ASTN2: variants seen among roughly 807,000 people sequenced by gnomAD.
ASTN2 encodes astrotactin 2.
A neutral mutation model predicts 139.8 loss-of-function variants in ASTN2; 54 were observed. That is an observed-to-expected ratio of 0.39 (90% confidence interval 0.31 to 0.48). The LOEUF is 0.48. Ranked by LOEUF, ASTN2 falls within the 20% of genes least tolerant of loss-of-function variation. ASTN2 has a pLI of 0.95. For missense variants in ASTN2, 1,565 were observed against 1,725.1 expected (o/e 0.91, Z 1.64); for synonymous variants, 756 against 719.5 (o/e 1.05, Z -0.81).
chr9:117,342,366 T>C (rs1829088474), intron 1 of ASTN2, among the ~76,000 whole-genome samples: 1 of 152,210 alleles, frequency 6.6e-6, no homozygotes, highest in Admixed American at 6.5e-5. Context: ...TACATGTTTG[T>C]TCGAATAATT....
chr9:117,274,544 C>T (rs751937407), intron 2 of ASTN2, among the ~76,000 whole-genome samples: 1 of 152,216 alleles, frequency 6.6e-6, no homozygotes, highest in Non-Finnish European at 1.5e-5. Context: ...TGCTTTATCT[C>T]ATTTCATTCC....
intron 10 of ASTN2, among the ~76,000 whole-genome samples, chr9:116,884,224 C>T (rs2132375515): frequency 6.6e-6 from 1 of 152,218 alleles, no homozygotes; most frequent in Middle Eastern, 3.4e-3. Context: ...GGGACTTATG[C>T]TGCCTAGCAG....
intron 5 of ASTN2, among the ~76,000 whole-genome samples, chr9:117,044,512 G>C (rs1418332341): frequency 6.6e-6 from 1 of 152,152 alleles, no homozygotes; most frequent in Non-Finnish European, 1.5e-5. Flanking sequence ...AAGAGTTCCT[G>C]GCTCAGGGAG....
chr9:116,947,048 A>G (rs1835420567), intron 10 of ASTN2, among the ~76,000 whole-genome samples: 1 of 152,082 alleles, frequency 6.6e-6, no homozygotes, highest in Non-Finnish European at 1.5e-5. Flanking sequence ...GAGGAGAGGA[A>G]TGTTGCCAGG....
chr9:117,195,403 C>T (rs966339513), intron 3 of ASTN2, among the ~76,000 whole-genome samples: 6 of 152,046 alleles, frequency 3.9e-5, no homozygotes, highest in African/African-American at 1.2e-4. Flanking sequence ...TGGAGGGCAA[C>T]TTTAAGTTGG....
chr9:117,354,394 G>A (rs929039476), intron 1 of ASTN2, among the ~76,000 whole-genome samples: 1 of 152,014 alleles, frequency 6.6e-6, no homozygotes, highest in Non-Finnish European at 1.5e-5. Flanking sequence ...TCACTGCAGG[G>A]GCTTTGCATA....
intron 5 of ASTN2, among the ~76,000 whole-genome samples, chr9:117,085,859 A>G (rs1828547103): frequency 6.6e-6 from 1 of 152,170 alleles, no homozygotes; most frequent in Admixed American, 6.5e-5. Flanking sequence ...TACATGATTT[A>G]TCTCATTCAT....
chr9:116,668,322 G>A (rs1037291730), intron 16 of ASTN2, among the ~76,000 whole-genome samples: 4 of 151,852 alleles, frequency 2.6e-5, no homozygotes, highest in African/African-American at 9.7e-5. Flanking sequence ...CTCCTGAGTA[G>A]CTGGGATTAT....
chr9:116,814,737 G>T (rs1831262954), intron 12 of ASTN2, among the ~76,000 whole-genome samples: 1 of 152,204 alleles, frequency 6.6e-6, no homozygotes, highest in Non-Finnish European at 1.5e-5. Context: ...GTAAGAGGCA[G>T]TTAGGAGTGC....
chr9:116,524,223 G>A (rs919960765), intron 19 of ASTN2, among the ~76,000 whole-genome samples: 5 of 152,134 alleles, frequency 3.3e-5, no homozygotes, highest in African/African-American at 4.8e-5. Context: ...CTATGTCTGC[G>A]TCCCTCACCA....
chr9:117,146,207 T>C (rs1830191475), intron 3 of ASTN2, among the ~76,000 whole-genome samples: 1 of 152,114 alleles, frequency 6.6e-6, no homozygotes, highest in Non-Finnish European at 1.5e-5. Flanking sequence ...CATTACCTCC[T>C]GGTACCCGCT....
chr9:116,846,473 C>T (rs966753992), intron 11 of ASTN2, among the ~76,000 whole-genome samples: 3 of 152,094 alleles, frequency 2.0e-5, no homozygotes, highest in Admixed American at 6.5e-5. Flanking sequence ...CCGGATCAAC[C>T]CCAAGAGAGA....
intron 10 of ASTN2, among the ~76,000 whole-genome samples, chr9:116,880,433 C>A (rs1159286523): frequency 6.6e-6 from 1 of 152,106 alleles, no homozygotes; most frequent in Non-Finnish European, 1.5e-5. Context: ...ATCATCACAC[C>A]AAAATAATTC....
chr9:117,182,868 G>A (rs1831109617), intron 3 of ASTN2, among the ~76,000 whole-genome samples: 1 of 152,014 alleles, frequency 6.6e-6, no homozygotes, highest in African/African-American at 2.4e-5. Flanking sequence ...AGCAAGCCAA[G>A]TTTTTATTTC....
chr9:117,050,300 C>T (rs1376278071), intron 5 of ASTN2, among the ~76,000 whole-genome samples: 1 of 152,118 alleles, frequency 6.6e-6, no homozygotes, highest in African/African-American at 2.4e-5. Context: ...CTTTGAAAGT[C>T]CCTGTTCCAT....
rs1211095522 is a variant in ASTN2, at chr9:117,039,912, A to G, written c.1330T>C (p.Ser444Pro). 1 of 1,613,726 alleles carries G rather than the reference A, an allele frequency of 6.2e-7. No individual in the cohort carries two copies. The highest frequency in any genetic ancestry group is 2.2e-5 in the East Asian group (1 of 44,804). The stretch of plus-strand genomic sequence containing the variant: ...CCACACACCATGGCCAGGATGCAGG[A>G]ACTCACAGCAATCAGTGTCAGGGCT... ...KTALTLIAVS[S>P]CILAMVCGSQ... The change falls in exon 6 of 23, where the codon TCC becomes CCC. Residue 444 changes from serine to proline, a missense_variant. This residue lies in a region of ASTN2 where 503 missense variants were observed against 591.7 expected (regional missense o/e 0.85). Transcript: ENST00000313400.
intron 2 of ASTN2, among the ~76,000 whole-genome samples, chr9:117,240,472 A>C (rs1340559717): frequency 6.6e-6 from 1 of 152,220 alleles, no homozygotes; most frequent in African/African-American, 2.4e-5. Context: ...TACACTTGGC[A>C]TGCCAAACAT....
intron 13 of ASTN2, among the ~76,000 whole-genome samples, chr9:116,799,634 C>G (rs1456814925): frequency 1.3e-5 from 2 of 149,612 alleles, no homozygotes; most frequent in Admixed American, 6.7e-5. Flanking sequence ...TTATCTAAAT[C>G]TCTGCAATCT....
intron 1 of ASTN2, among the ~76,000 whole-genome samples, chr9:117,396,232 C>T (rs532975155): frequency 1.1e-4 from 17 of 152,276 alleles, no homozygotes; most frequent in Admixed American, 3.3e-4. Flanking sequence ...TGACTTAATG[C>T]CTCTGTCAAC....
Sources: gnomAD v4.1 joint callset for allele counts (sites outside exome capture counted in the v4.1 genomes callset) on GRCh38, gnomAD v4.1.1 for gene constraint, gnomAD v4.1.1 regional missense constraint, MANE v1.5 for transcripts, NCBI Gene and HGNC (gene_info 2026-07-23, HGNC 2026-07-21) for gene names.